The following SCD5 variants were observed in gnomAD, a reference collection of about 807,000 sequenced individuals.
SCD5 encodes the protein stearoyl-CoA desaturase 5, also known as acyl-CoA-desaturase 4.
SCD5 carries 20 observed loss-of-function variants against 30.4 expected under a neutral mutation model. That is an observed-to-expected ratio of 0.66 (90% confidence interval 0.46 to 0.96). The LOEUF is 0.96. SCD5 is among the 40% of genes least tolerant of loss of function. The pLI, the probability that SCD5 is intolerant of heterozygous loss-of-function variation, is 0.00. For synonymous variants in SCD5, 173 were observed against 176.4 expected (o/e 0.98, Z 0.16); for missense variants, 381 against 443.3 (o/e 0.86, Z 1.26).
At chr4:82,657,725 C>G (rs1484840981) in intron 3 of SCD5, among the ~76,000 whole-genome samples, 1 of 152,162 alleles carries the variant, frequency 6.6e-6, no homozygotes, top group African/African-American at 2.4e-5. Context: ...TTCTTTCTAT[C>G]CATGAACATG....
At chr4:82,755,479 G>T (rs184743742) in intron 1 of SCD5, among the ~76,000 whole-genome samples, 2 of 152,230 alleles carry the variant, frequency 1.3e-5, no homozygotes, top group Non-Finnish European at 2.9e-5. Context: ...CAGCCTGGGC[G>T]ACAGAGCAAG....
intron 3 of SCD5, among the ~76,000 whole-genome samples, chr4:82,652,054 G>C (rs1388789357): frequency 2.6e-5 from 4 of 152,190 alleles, no homozygotes; most frequent in Non-Finnish European, 5.9e-5. Context: ...TTTCTAACAA[G>C]CTCCTGGGTA....
intron 3 of SCD5, among the ~76,000 whole-genome samples, chr4:82,647,723 A>G (rs1233339921): frequency 6.6e-6 from 1 of 151,528 alleles, no homozygotes; most frequent in Admixed American, 6.6e-5. Flanking sequence ...GCATTATTTG[A>G]TGTCCCTTCA....
intron 1 of SCD5, among the ~76,000 whole-genome samples, chr4:82,768,707 G>A (rs545977031): frequency 6.6e-6 from 1 of 152,318 alleles, no homozygotes; most frequent in Non-Finnish European, 1.5e-5. Context: ...AAAGGTGCGA[G>A]TCAAAGAAGA....
chr4:82,729,074 T>G (rs1720570369), intron 1 of SCD5, among the ~76,000 whole-genome samples: 1 of 152,220 alleles, frequency 6.6e-6, no homozygotes, highest in African/African-American at 2.4e-5. Flanking sequence ...AAGTTCTGTG[T>G]GTGGCCAACC....
chr4:82,769,924 A>T (rs1459717544), intron 1 of SCD5, among the ~76,000 whole-genome samples: 1 of 151,804 alleles, frequency 6.6e-6, no homozygotes, highest in Non-Finnish European at 1.5e-5. Context: ...TCAAAATAAA[A>T]ACTTACAGAA....
At chr4:82,741,367 C>T (rs187373602) in intron 1 of SCD5, among the ~76,000 whole-genome samples, 1 of 152,228 alleles carries the variant, frequency 6.6e-6, no homozygotes. Flanking sequence ...TTTGGTCCCT[C>T]GAAACACTGC....
At position 82,635,386 on chromosome 4, in the gene SCD5, G is replaced by A. The variant is rs1013901002; in HGVS notation, c.802+1205C>T. On this transcript the variant is annotated intron_variant, in intron 4 of 4. Coordinates refer to ENST00000319540, the MANE Select transcript of SCD5 (RefSeq NM_001037582.3). ...TGTAATCCCAGCACTTTGGGAGGCC[G>A]AGGCAGGCGGATCATGAGGTCAGGA... Among the ~76,000 whole-genome samples, 7 of 152,162 alleles carry A rather than the reference G, an allele frequency of 4.6e-5. 1 individual carries two copies. The highest frequency in any genetic ancestry group is 9.6e-5 in the African/African-American group (4 of 41,522).
chr4:82,783,751 C>T (rs1028730075), intron 1 of SCD5, among the ~76,000 whole-genome samples: 6 of 149,322 alleles, frequency 4.0e-5, no homozygotes, highest in African/African-American at 7.4e-5. Context: ...TGCAGTGAGC[C>T]GAGATCGCAC....
At chr4:82,771,708 G>C (rs1002542941) in intron 1 of SCD5, among the ~76,000 whole-genome samples, 1 of 152,192 alleles carries the variant, frequency 6.6e-6, no homozygotes, top group Non-Finnish European at 1.5e-5. Flanking sequence ...AACCCTGGCA[G>C]GCCACTACCG....
intron 1 of SCD5, among the ~76,000 whole-genome samples, chr4:82,725,921 C>T (rs1026035727): frequency 6.6e-6 from 1 of 152,008 alleles, no homozygotes; most frequent in African/African-American, 2.4e-5. Flanking sequence ...TTGATTTTGG[C>T]CCAATCCCAT....
intron 1 of SCD5, among the ~76,000 whole-genome samples, chr4:82,727,360 G>C (rs749495897): frequency 3.3e-5 from 5 of 152,162 alleles, no homozygotes; most frequent in Non-Finnish European, 5.9e-5. Context: ...GTCTACCCTT[G>C]TGGAGTTAAA....
intron 3 of SCD5, among the ~76,000 whole-genome samples, chr4:82,648,435 A>G (rs1009722260): frequency 1.3e-5 from 2 of 152,236 alleles, no homozygotes; most frequent in African/African-American, 2.4e-5. Context: ...AAATGGCCAA[A>G]TGCCCTAGGA....
At chr4:82,784,474 G>A (rs1288923883) in intron 1 of SCD5, among the ~76,000 whole-genome samples, 4 of 152,144 alleles carry the variant, frequency 2.6e-5, no homozygotes, top group Non-Finnish European at 5.9e-5. Flanking sequence ...ATTTTTCTCT[G>A]ATGATAAAAT....
chr4:82,669,306 T>A (rs200303475), intron 3 of SCD5, among the ~76,000 whole-genome samples: 1 of 147,430 alleles, frequency 6.8e-6, no homozygotes. Flanking sequence ...TACATAACGT[T>A]AAAAAAAAAA....
intron 4 of SCD5, among the ~76,000 whole-genome samples, chr4:82,636,375 CA>C (rs1727429411): frequency 6.6e-6 from 1 of 151,142 alleles, no homozygotes; most frequent in Non-Finnish European, 1.5e-5. Flanking sequence ...TGCTTGAACC[CA>C]GGAAGCAGAG....
At chr4:82,698,038 G>A (rs1215114453) in intron 2 of SCD5, 1 of 456,702 alleles carries the variant, frequency 2.2e-6, no homozygotes, top group Non-Finnish European at 4.4e-6. Flanking sequence ...ATCACACCAG[G>A]AAAAGCTGTC....
chr4:82,755,031 CA>C (rs1248976587), intron 1 of SCD5, among the ~76,000 whole-genome samples: 1 of 149,128 alleles, frequency 6.7e-6, no homozygotes, highest in African/African-American at 2.5e-5. Context: ...CTCAGTAGAC[CA>C]GATGGGAAGA....
At chr4:82,797,197 A>G (rs1408309686) in intron 1 of SCD5, among the ~76,000 whole-genome samples, 1 of 152,000 alleles carries the variant, frequency 6.6e-6, no homozygotes, top group Non-Finnish European at 1.5e-5. Flanking sequence ...AAGAGGTCTT[A>G]TTTTCTTCCT....
Sources: allele counts gnomAD v4.1 joint callset (sites outside exome capture counted in the v4.1 genomes callset), GRCh38; gene constraint gnomAD v4.1.1; transcripts MANE v1.5; gene names NCBI Gene and HGNC (gene_info 2026-07-23, HGNC 2026-07-21).